The following SLC19A1 variants were observed in gnomAD, a reference collection of about 807,000 sequenced individuals.
SLC19A1 encodes the protein solute carrier family 19 member 1.
Under a neutral mutation model 35.3 loss-of-function variants are expected in SLC19A1, and 37 were observed. The ratio of observed to expected loss-of-function variants is 1.05; its 90% confidence interval spans 0.81 to 1.38. The LOEUF (loss-of-function observed/expected upper bound fraction) is 1.38, where lower values mean the gene tolerates loss of function less well. SLC19A1 is among the 40% of genes most tolerant of loss of function. The pLI is 0.00. For synonymous variants in SLC19A1, 460 were observed against 398.5 expected, an observed-to-expected ratio of 1.15 and a Z score of -1.84; for missense variants, 831 against 826.9, an observed-to-expected ratio of 1.00 and a Z score of -0.06.
chr21:45,531,312 G>A (rs546860829), intron 3 of SLC19A1, 77 bp downstream of exon 3: 89 of 1,513,764 alleles, frequency 5.9e-5, no homozygotes, highest in Middle Eastern at 4.3e-4. Flanking sequence ...AGCCTCCGGG[G>A]GAAGGATCCA....
rs2077826067 is a variant in SLC19A1, at chr21:45,530,346, TGTG to T, written c.1151+421_1151+423del. Among the ~76,000 whole-genome samples the T allele has an allele frequency of 9.9e-6, 1 of 101,522 alleles. No homozygotes were observed. 66.6% of individuals were successfully genotyped at this position (101,522 alleles called of 152,430 possible). A position where few individuals can be genotyped will look rare whatever the true frequency, so the allele number is the denominator to read the frequency against. ...TGTGGTGAGTGTCCATCTGTGCGCA[TGTG>T]GTGTGTTCATGAGTGTGTGTGTGTC... On this transcript the variant is annotated intron_variant, in intron 4 of 5. Transcript: ENST00000311124. This position sits in a 1 kb window ranked among gnomAD's most constrained non-coding sequence, Gnocchi z 5.3.
At chr21:45,505,304 G>GGCAGA in intron 3 of SLC19A1, 1 of 1,604,788 alleles carries the variant, frequency 6.2e-7, no homozygotes, top group Non-Finnish European at 8.5e-7. Context: ...GTGGGCCCCG[G>GGCAGA]GCAGAGGCCG....
downstream of SLC19A1, among the ~76,000 whole-genome samples, chr21:45,510,573 C>T (rs1039549964): frequency 2.9e-4 from 44 of 152,192 alleles, no homozygotes; most frequent in Admixed American, 7.2e-4. Flanking sequence ...AGTGTCCACA[C>T]AGGTGATAGG....
chr21:45,507,034 A>T, intron 3 of SLC19A1: 1 of 312,586 alleles, frequency 3.2e-6, no homozygotes, highest in East Asian at 7.7e-5. Context: ...AGGAGGAGGC[A>T]GGGGATGGCA....
At chr21:45,526,005 A>T (rs2077603193) in intron 4 of SLC19A1, 47 bp from the exon 5 acceptor site, 10 of 1,596,724 alleles carry the variant, frequency 6.3e-6, no homozygotes, top group Non-Finnish European at 8.5e-6. Context: ...GAGAATAAGC[A>T]GCAGCCACAG....
At chr21:45,560,670 T>C (rs2078607317) in intron 1 of SLC19A1, among the ~76,000 whole-genome samples, 1 of 152,026 alleles carries the variant, frequency 6.6e-6, no homozygotes, top group South Asian at 2.1e-4. Context: ...GGAATGAGGA[T>C]TTGAAGGACC....
intron 1 of SLC19A1, among the ~76,000 whole-genome samples, chr21:45,557,133 G>A (rs976682852): frequency 1.3e-5 from 2 of 152,226 alleles, no homozygotes; most frequent in African/African-American, 2.4e-5. Context: ...AATGGCACCC[G>A]CTGCATGGAG....
At position 45,516,151 on chromosome 21, in the gene SLC19A1, A is replaced by G. The variant is rs774386826; in HGVS notation, c.1294-11T>C. On this transcript the variant is annotated splice_polypyrimidine_tract_variant and intron_variant, in intron 5 of 5. Transcript: ENST00000311124. ...GGAGTATAACTGGAACTGGAAAGAG[A>G]GGCCGGGTGAGGCGGGTGGGGAGGG... The G allele has an allele frequency of 1.9e-6, 3 of 1,565,758 alleles. No homozygotes were observed. Among genetic ancestry groups the G allele is most frequent in the Admixed American group, 1.7e-5 (1 of 58,790 alleles).
intron 1 of SLC19A1, among the ~76,000 whole-genome samples, chr21:45,552,001 G>A (rs750459303): frequency 1.3e-5 from 2 of 152,144 alleles, no homozygotes; most frequent in African/African-American, 2.4e-5. Flanking sequence ...CTTCCTGTGC[G>A]GCCTCCTTAT....
At chr21:45,555,527 T>G (rs955948007) in intron 1 of SLC19A1, among the ~76,000 whole-genome samples, 1 of 37,874 alleles carries the variant, frequency 2.6e-5, no homozygotes. Flanking sequence ...GGAACGGAGG[T>G]GCAGGGGGCG....
upstream of SLC19A1, chr21:45,542,589 G>A (rs1295679378): frequency 7.4e-6 from 1 of 135,138 alleles, no homozygotes; most frequent in Non-Finnish European, 1.6e-5. Flanking sequence ...CCGTCTCCCA[G>A]CCCCGGCGCC....
At chr21:45,529,773 C>T (rs1403750855) in intron 4 of SLC19A1, among the ~76,000 whole-genome samples, 2 of 150,054 alleles carry the variant, frequency 1.3e-5, no homozygotes, top group Non-Finnish European at 3.0e-5. Flanking sequence ...GTGGTGTGTT[C>T]ATGTGAGTGT....
At position 45,534,568 on chromosome 21, in the gene SLC19A1, T is replaced by C. The variant is rs2078045014; in HGVS notation, c.190-2420A>G. ...AATGAATGGAGCATGCCTCATTTCC[T>C]CTTCCACCAGGAGCTGGCTCTGCAG... On this transcript the variant is annotated intron_variant, in intron 2 of 5. Transcript: ENST00000311124. The surrounding 1 kb of genome is among the most constrained non-coding windows in gnomAD (Gnocchi z 4.2). 6.5e-7 allele frequency: 1 copy of C among 1,535,574 alleles called. No individual in the cohort carries two copies. The highest frequency in any genetic ancestry group is 2.0e-5 in the Admixed American group (1 of 50,984).
At position 45,531,610 on chromosome 21, in the gene SLC19A1, C is replaced by T; in HGVS notation, c.728G>A (p.Arg243Gln). 6.2e-7 allele frequency: 1 copy of T among 1,612,252 alleles called. No individual in the cohort carries two copies. Among genetic ancestry groups the T allele is most frequent in the Non-Finnish European group, 8.5e-7 (1 of 1,179,704 alleles). ...CAGCACTGAGTCCCCACAGGCCACC[C>T]GCAGGGCGTGTCCCAGCTTCCCGCC... ...GPGGKLGHALRVACGDSVLAR... is the reference protein window; with the variant it reads ...GPGGKLGHALQVACGDSVLAR... The change falls in exon 3 of 6, where the codon CGG becomes CAG. Residue 243 changes from arginine (R) to glutamine (Q), a missense_variant. By Grantham distance (43) the Arg-to-Gln change is conservative. Transcript: ENST00000311124.
At chr21:45,526,085 A>G in intron 4 of SLC19A1, 127 bp from the exon 5 acceptor site, 1 of 974,254 alleles carries the variant, frequency 1.0e-6, no homozygotes, top group Admixed American at 2.4e-5. Context: ...CAGGGCACGC[A>G]CAAGCCCCCC....
chr21:45,505,780 C>T (rs777883403), intron 3 of SLC19A1: 99 of 1,293,164 alleles, frequency 7.7e-5, no homozygotes, highest in Admixed American at 6.0e-4. Flanking sequence ...TCCTTCCTTC[C>T]GCCCCTGCCC....
At chr21:45,556,664 G>A (rs2078565314) in intron 1 of SLC19A1, among the ~76,000 whole-genome samples, 1 of 152,230 alleles carries the variant, frequency 6.6e-6, no homozygotes, top group African/African-American at 2.4e-5. Flanking sequence ...CATGGGGTGG[G>A]GGCCAGGGAC....
intron 3 of SLC19A1, chr21:45,506,119 T>C: frequency 8.2e-7 from 1 of 1,213,008 alleles, no homozygotes; most frequent in Admixed American, 2.0e-5. Flanking sequence ...TAAAGTTTAG[T>C]AAAATACTTT....
At chr21:45,538,921 C>T in intron 1 of SLC19A1, among the ~76,000 whole-genome samples, 1 of 152,198 alleles carries the variant, frequency 6.6e-6, no homozygotes, top group East Asian at 1.9e-4. Flanking sequence ...GGTGGAGCAG[C>T]AGCAGCACGA....
Sources: allele counts gnomAD v4.1 joint callset (sites outside exome capture counted in the v4.1 genomes callset), GRCh38; gene constraint gnomAD v4.1.1; non-coding constraint Gnocchi (gnomAD v3.1); transcripts MANE v1.5; gene names NCBI Gene and HGNC (gene_info 2026-07-23, HGNC 2026-07-21).